STEAP1B: variants seen among roughly 807,000 people sequenced by gnomAD.
STEAP1B encodes the protein STEAP family protein MGC87042.
STEAP1B carries 13 observed loss-of-function variants against 27.9 expected under a neutral mutation model. The ratio of observed to expected loss-of-function variants is 0.47; its 90% confidence interval spans 0.30 to 0.74. The LOEUF is 0.74. Among genes scored for constraint, STEAP1B ranks in the 30% least tolerant of loss-of-function variants. The pLI, the probability that STEAP1B is intolerant of heterozygous loss-of-function variation, is 0.06. For missense variants in STEAP1B, 250 were observed against 298.7 expected (o/e 0.84, Z 1.20); for synonymous variants, 86 against 107.1 (o/e 0.80, Z 1.22).
intron 4 of STEAP1B, among the ~76,000 whole-genome samples, chr7:22,469,329 AAG>A (rs1785840031): frequency 6.6e-6 from 1 of 152,224 alleles, no homozygotes; most frequent in African/African-American, 2.4e-5. Context: ...GTTACTACAA[AAG>A]AGTCAAAAAA....
chr7:22,490,560 T>G (rs1392431803), intron 4 of STEAP1B, among the ~76,000 whole-genome samples: 2 of 152,238 alleles, frequency 1.3e-5, no homozygotes, highest in African/African-American at 4.8e-5. Flanking sequence ...ACATGCATAC[T>G]ATTTTGTATT....
chr7:22,422,024 T>C (rs79816947), intron 4 of STEAP1B, among the ~76,000 whole-genome samples: 2 of 152,256 alleles, frequency 1.3e-5, no homozygotes, highest in South Asian at 4.1e-4. Context: ...ATGGTAGAAC[T>C]TGTATTTCTC....
intron 4 of STEAP1B, chr7:22,438,542 G>C: frequency 6.4e-7 from 1 of 1,551,884 alleles, no homozygotes; most frequent in Non-Finnish European, 8.7e-7. Context: ...AGATTTTCTA[G>C]ATGAAGCTGA....
At chr7:22,426,734 T>C (rs114111307) in intron 4 of STEAP1B, among the ~76,000 whole-genome samples, 208 of 152,326 alleles carry the variant, frequency 1.4e-3, no homozygotes, top group African/African-American at 4.9e-3. Context: ...ACATTGGACA[T>C]AGAGCAGTGA....
At chr7:22,450,365 A>G (rs1488616971) in intron 4 of STEAP1B, among the ~76,000 whole-genome samples, 1 of 152,220 alleles carries the variant, frequency 6.6e-6, no homozygotes, top group Non-Finnish European at 1.5e-5. Context: ...GGTGAGAGAT[A>G]GGGGTCTAGT....
chr7:22,468,256 T>C (rs1282712399), intron 4 of STEAP1B, among the ~76,000 whole-genome samples: 2 of 152,152 alleles, frequency 1.3e-5, no homozygotes, highest in Non-Finnish European at 2.9e-5. Context: ...GACAAACCTA[T>C]TCTGAGTGCT....
intron 4 of STEAP1B, among the ~76,000 whole-genome samples, chr7:22,466,230 C>T (rs1729299846): frequency 6.6e-6 from 1 of 151,910 alleles, no homozygotes; most frequent in Non-Finnish European, 1.5e-5. Flanking sequence ...TCTACCTTTC[C>T]AACTTTTAGG....
At chr7:22,437,661 A>T (rs191887605) in intron 4 of STEAP1B, among the ~76,000 whole-genome samples, 28 of 152,292 alleles carry the variant, frequency 1.8e-4, no homozygotes, top group African/African-American at 4.8e-4. Flanking sequence ...CTGCTTTTTA[A>T]ATCCTGAGGA....
chr7:22,486,945 T>TCC, intron 4 of STEAP1B, among the ~76,000 whole-genome samples: 1 of 152,222 alleles, frequency 6.6e-6, no homozygotes, highest in Middle Eastern at 3.4e-3. Context: ...AAAGCTGTAC[T>TCC]CCCCACCCTA....
Position 22,429,305 on chromosome 7 carries a change from G to A in STEAP1B, c.763-9469C>T, listed in dbSNP as rs372922697. On this transcript the variant is annotated intron_variant, in intron 4 of 4. Coordinates refer to ENST00000678116, the MANE Select transcript of STEAP1B (RefSeq NM_001382447.1). Reference sequence around the variant, plus strand: ...ACAACTACAACAACAAAAATAAAGCGTGGTACACTCATCAAAGGAGATCAC... The same window carrying A: ...ACAACTACAACAACAAAAATAAAGCATGGTACACTCATCAAAGGAGATCAC... Among the ~76,000 whole-genome samples, 28 of 152,266 alleles carry A rather than the reference G, an allele frequency of 1.8e-4. 1 individual carries two copies. In the South Asian group the frequency reaches 4.3e-3, roughly 24 times the overall value.
At chr7:22,499,374 T>A (rs1476447297) in intron 1 of STEAP1B, among the ~76,000 whole-genome samples, 2 of 145,148 alleles carry the variant, frequency 1.4e-5, no homozygotes, top group Non-Finnish European at 3.0e-5. Flanking sequence ...TGAAGTCGAG[T>A]TTTTTGGGTT....
intron 4 of STEAP1B, among the ~76,000 whole-genome samples, chr7:22,420,151 TGGCAAGCTCAGG>T (rs1355363560): frequency 6.6e-6 from 1 of 152,226 alleles, no homozygotes; most frequent in African/African-American, 2.4e-5. Context: ...TTCTGTTGAC[TGGCAAGCTCAGG>T]GGCAAGGATT....
chr7:22,446,355 AT>A (rs1785409230), intron 4 of STEAP1B, among the ~76,000 whole-genome samples: 1 of 152,240 alleles, frequency 6.6e-6, no homozygotes, highest in Non-Finnish European at 1.5e-5. Flanking sequence ...ACAATGCCCT[AT>A]GCCAGTGGTT....
chr7:22,482,321 ATTAAAT>A (rs1203515569), intron 4 of STEAP1B, among the ~76,000 whole-genome samples: 1 of 152,230 alleles, frequency 6.6e-6, no homozygotes, highest in African/African-American at 2.4e-5. Flanking sequence ...AGGATGCCCT[ATTAAAT>A]TTAAGTTTTA....
At chr7:22,479,840 G>A (rs928913846) in intron 4 of STEAP1B, among the ~76,000 whole-genome samples, 2 of 151,530 alleles carry the variant, frequency 1.3e-5, no homozygotes, top group Non-Finnish European at 2.9e-5. Flanking sequence ...ACACACCGGC[G>A]ACGCCCAGCC....
At chr7:22,449,330 C>T (rs1785452254) in intron 4 of STEAP1B, among the ~76,000 whole-genome samples, 1 of 152,230 alleles carries the variant, frequency 6.6e-6, no homozygotes, top group African/African-American at 2.4e-5. Flanking sequence ...CATCCTTCTA[C>T]ACTCTATCTC....
At chr7:22,455,425 G>A (rs565772466) in intron 4 of STEAP1B, among the ~76,000 whole-genome samples, 6 of 152,298 alleles carry the variant, frequency 3.9e-5, no homozygotes, top group African/African-American at 1.4e-4. Flanking sequence ...AGACATTCTG[G>A]TGAGTATGAA....
chr7:22,442,629 T>C (rs565839155), intron 4 of STEAP1B, among the ~76,000 whole-genome samples: 1 of 152,324 alleles, frequency 6.6e-6, no homozygotes, highest in East Asian at 1.9e-4. Context: ...GGTGCTGATC[T>C]GACAAAGGAC....
intron 4 of STEAP1B, among the ~76,000 whole-genome samples, chr7:22,441,508 G>T (rs888246815): frequency 6.6e-6 from 1 of 152,178 alleles, no homozygotes; most frequent in Non-Finnish European, 1.5e-5. Context: ...AGACAAAGTC[G>T]CAAATGTAAG....
Sources: allele counts gnomAD v4.1 joint callset (sites outside exome capture counted in the v4.1 genomes callset), GRCh38; gene constraint gnomAD v4.1.1; transcripts MANE v1.5; gene names NCBI Gene and HGNC (gene_info 2026-07-23, HGNC 2026-07-21).